TESPA1: variants seen among roughly 807,000 people sequenced by gnomAD.
TESPA1 encodes thymocyte expressed, positive selection associated 1, also known as protein TESPA1.
TESPA1 carries 33 observed loss-of-function variants against 57.9 expected under a neutral mutation model. The observed-to-expected ratio is 0.57, with a 90% CI of 0.43 to 0.76. TESPA1 has a LOEUF of 0.76. TESPA1 is among the 30% of genes least tolerant of loss of function. The pLI, the probability that TESPA1 is intolerant of heterozygous loss-of-function variation, is 0.00. For synonymous variants in TESPA1, 227 were observed against 228.9 expected, an observed-to-expected ratio of 0.99 and a Z score of 0.07; for missense variants, 618 against 632.9, an observed-to-expected ratio of 0.98 and a Z score of 0.25.
Position 54,949,231 on chromosome 12 carries a change from C to T in TESPA1, c.*1161G>A, listed in dbSNP as rs909573639. The T allele has an allele frequency of 6.6e-6, 1 of 152,200 alleles. No homozygotes were observed. The highest frequency in any genetic ancestry group is 1.5e-5 in the Non-Finnish European group (1 of 68,048). The allele number at this position is 152,200 out of a possible 1,614,324, so 9.4% of individuals were successfully genotyped here. On this transcript the variant is annotated 3_prime_UTR_variant, in exon 11 of 11. Transcript: ENST00000449076. ...TAGCCCTTTTGTCTCTGCCTCACTACGTATCAGACTCAGTTTGTGCCTTCT... is the reference window on the plus strand; with the variant it reads ...TAGCCCTTTTGTCTCTGCCTCACTATGTATCAGACTCAGTTTGTGCCTTCT...
At chr12:54,957,839 TC>T (rs1480911395) in intron 10 of TESPA1, among the ~76,000 whole-genome samples, 5 of 152,216 alleles carry the variant, frequency 3.3e-5, no homozygotes, top group Non-Finnish European at 5.9e-5. Flanking sequence ...TATTTTACAT[TC>T]CACTTAAGGA....
At chr12:54,973,784 A>G in intron 2 of TESPA1, 4 of 1,234,034 alleles carry the variant, frequency 3.2e-6, no homozygotes, top group Non-Finnish European at 4.1e-6. Context: ...GTCTTTTGAG[A>G]GTTCCTTTCC....
intron 1 of TESPA1, among the ~76,000 whole-genome samples, chr12:54,978,481 T>C (rs183623061): frequency 7.9e-5 from 12 of 152,370 alleles, no homozygotes; most frequent in African/African-American, 2.9e-4. Flanking sequence ...AGTGCATTTA[T>C]ACAGTTTTTC....
At chr12:54,978,382 A>T (rs1013960375) in intron 1 of TESPA1, among the ~76,000 whole-genome samples, 34 of 152,158 alleles carry the variant, frequency 2.2e-4, no homozygotes, top group Non-Finnish European at 3.8e-4. Context: ...GCTGGACTCA[A>T]TGTTGTGTAA....
At chr12:54,959,137 G>A (rs950360465) in intron 10 of TESPA1, among the ~76,000 whole-genome samples, 5 of 152,184 alleles carry the variant, frequency 3.3e-5, no homozygotes, top group African/African-American at 1.2e-4. Flanking sequence ...AGGGAGAAGG[G>A]AAGCGTTCCA....
At chr12:54,974,345 C>T (rs1435041119) in intron 2 of TESPA1, 55 bp downstream of exon 2, 15 of 1,490,122 alleles carry the variant, frequency 1.0e-5, no homozygotes, top group Admixed American at 2.1e-5. Context: ...CCTGGGCCTG[C>T]TGTCACCTTT....
intron 10 of TESPA1, among the ~76,000 whole-genome samples, chr12:54,959,320 G>A (rs1328572334): frequency 1.3e-5 from 2 of 152,124 alleles, no homozygotes; most frequent in Non-Finnish European, 2.9e-5. Flanking sequence ...AACCTCATCC[G>A]GTTAGGTTTT....
At chr12:54,952,056 G>A (rs1324919218) in intron 10 of TESPA1, among the ~76,000 whole-genome samples, 2 of 152,112 alleles carry the variant, frequency 1.3e-5, no homozygotes, top group Non-Finnish European at 2.9e-5. Context: ...ATAGTATCAA[G>A]AGGTGAGGTC....
chr12:54,961,134 A>T, intron 10 of TESPA1, 34 bp downstream of exon 10: 1 of 1,610,806 alleles, frequency 6.2e-7, no homozygotes, highest in South Asian at 1.1e-5. Context: ...ATGTGCAGCC[A>T]GGTTTGAGAA....
In TESPA1 at chr12:54,962,619, T is replaced by C; in HGVS notation, c.1279A>G (p.Lys427Glu). 1 of 1,613,976 alleles carries C rather than the reference T, an allele frequency of 6.2e-7. No individual in the cohort carries two copies. Among genetic ancestry groups the C allele is most frequent in the South Asian group, 1.1e-5 (1 of 91,082 alleles). The change falls in exon 9 of 11, where the codon AAG (lysine) becomes GAG (glutamate). Residue 427 changes from lysine to glutamate, a missense_variant. This residue lies in a region of TESPA1 where 409 missense variants were observed against 420.1 expected (regional missense o/e 0.97). Transcript: ENST00000449076. ...TTTCTTTTCCAGAAAGTCTCATCCT[T>C]GGCTGGATGGGTTTCCGTATTGGTG... ...PATNTETHPA[K>E]DETFWKRKSR...
At chr12:54,983,130 A>C (rs1307538100) in intron 1 of TESPA1, among the ~76,000 whole-genome samples, 1 of 152,192 alleles carries the variant, frequency 6.6e-6, no homozygotes, top group Non-Finnish European at 1.5e-5. Context: ...TCCATACTAG[A>C]ATCCAAATCA....
At chr12:54,969,271 T>C (rs1247317320) in intron 3 of TESPA1, among the ~76,000 whole-genome samples, 4 of 151,764 alleles carry the variant, frequency 2.6e-5, no homozygotes, top group Non-Finnish European at 1.5e-5. Context: ...CTTCCTAATA[T>C]ATAATTACAT....
chr12:54,979,621 G>A (rs1952243390), intron 1 of TESPA1, among the ~76,000 whole-genome samples: 1 of 152,172 alleles, frequency 6.6e-6, no homozygotes. Context: ...GTTAAAAGCA[G>A]AAATTGTAGT....
At position 54,962,895 on chromosome 12, in the gene TESPA1, CAG is replaced by C; in HGVS notation, c.1001_1002del (p.Ser334Ter). 7 of 1,613,784 alleles carry C rather than the reference CAG, an allele frequency of 4.3e-6. No homozygotes were observed. The highest frequency in any genetic ancestry group is 5.9e-6 in the Non-Finnish European group (7 of 1,179,772). ...TCTTCCTGTGAGAATTGCCCCAAATCAGAGTCTTGCTGGAGGAACTGCTTCTC... is the reference window on the plus strand; with the variant it reads ...TCTTCCTGTGAGAATTGCCCCAAATCAGTCTTGCTGGAGGAACTGCTTCTC... The part of the protein sequence containing the change: ...KEEKQFLQQD[S>X]DLGQFSQEDP... On this transcript the variant is annotated frameshift_variant, in exon 9 of 11. Coordinates refer to ENST00000449076, the MANE Select transcript of TESPA1 (RefSeq NM_001136030.3). LOFTEE classifies it high-confidence loss of function.
At chr12:54,958,567 T>C (rs926690453) in intron 10 of TESPA1, among the ~76,000 whole-genome samples, 7 of 152,164 alleles carry the variant, frequency 4.6e-5, no homozygotes, top group Admixed American at 2.0e-4. Flanking sequence ...TGACATTCAT[T>C]TGGGGGAATT....
At chr12:54,968,541 A>G (rs948104029) in intron 3 of TESPA1, among the ~76,000 whole-genome samples, 1 of 152,182 alleles carries the variant, frequency 6.6e-6, no homozygotes, top group Non-Finnish European at 1.5e-5. Context: ...TCTGTCCAAA[A>G]CAGGTGTGTG....
chr12:54,967,377 G>T (rs950776664), intron 4 of TESPA1, 141 bp from the exon 5 acceptor site: 2 of 919,418 alleles, frequency 2.2e-6, no homozygotes, highest in Non-Finnish European at 1.7e-6. Flanking sequence ...AGATACCCAC[G>T]TTTGTCAAAT....
chr12:54,973,974 TACTTCA>T, intron 2 of TESPA1: 1 of 894,008 alleles, frequency 1.1e-6, no homozygotes, highest in Non-Finnish European at 1.4e-6. Flanking sequence ...AAGGTACTAC[TACTTCA>T]ATTGGACAAA....
At chr12:54,975,569 A>G (rs1175983777) in intron 1 of TESPA1, among the ~76,000 whole-genome samples, 1 of 152,100 alleles carries the variant, frequency 6.6e-6, no homozygotes, top group Non-Finnish European at 1.5e-5. Context: ...CCACACTTGC[A>G]TCCCACCACA....
Sources: allele counts gnomAD v4.1 joint callset (sites outside exome capture counted in the v4.1 genomes callset), GRCh38; gene constraint gnomAD v4.1.1; regional missense constraint gnomAD v4.1.1; transcripts MANE v1.5; gene names NCBI Gene and HGNC (gene_info 2026-07-23, HGNC 2026-07-21).